Variants in RGS5 observed in about 807,000 individuals in gnomAD.
RGS5 encodes regulator of G protein signaling 5, also known as regulator of G-protein signalling 5.
A neutral mutation model predicts 18.9 loss-of-function variants in RGS5; 20 were observed. That is an observed-to-expected ratio of 1.06 (90% CI 0.74 to 1.54). RGS5 has a LOEUF of 1.54. RGS5 is among the 40% of genes most tolerant of loss of function. The pLI is 0.00. For synonymous variants in RGS5, 57 were observed against 76.2 expected, an observed-to-expected ratio of 0.75 and a Z score of 1.31; for missense variants, 201 against 211.8, an observed-to-expected ratio of 0.95 and a Z score of 0.32.
At chr1:163,319,302 A>G in intron 1 of RGS5, 1 of 152,358 alleles carries the variant, frequency 6.6e-6, no homozygotes, top group Non-Finnish European at 1.5e-5. Flanking sequence ...CTAGAAAAGG[A>G]ACATGAAATT....
intron 2 of RGS5, among the ~76,000 whole-genome samples, chr1:163,165,313 G>A (rs1657992163): frequency 6.6e-6 from 1 of 152,166 alleles, no homozygotes; most frequent in Admixed American, 6.5e-5. Flanking sequence ...AGAAAAAGGG[G>A]TTAAAAATTG....
intron 2 of RGS5, among the ~76,000 whole-genome samples, chr1:163,297,834 A>C (rs1351998913): frequency 2.0e-5 from 3 of 152,210 alleles, no homozygotes; most frequent in Non-Finnish European, 4.4e-5. Context: ...CAAAACAATT[A>C]AATCATAACT....
chr1:163,255,989 C>T (rs1484934460), intron 2 of RGS5, among the ~76,000 whole-genome samples: 1 of 152,042 alleles, frequency 6.6e-6, no homozygotes, highest in Non-Finnish European at 1.5e-5. Context: ...CTATGACAAA[C>T]CCACAGCCAA....
chr1:163,200,767 T>C (rs1042238093), intron 1 of RGS5, among the ~76,000 whole-genome samples: 1 of 152,100 alleles, frequency 6.6e-6, no homozygotes, highest in African/African-American at 2.4e-5. Flanking sequence ...AGTCAACCTA[T>C]GGGGAAAATA....
intron 2 of RGS5, among the ~76,000 whole-genome samples, chr1:163,254,324 CT>C (rs1310700716): frequency 3.3e-5 from 5 of 151,904 alleles, no homozygotes; most frequent in Non-Finnish European, 7.4e-5. Flanking sequence ...TCTTTCCTGA[CT>C]TTTTAATGAT....
At chr1:163,243,563 C>T (rs1307812773) in intron 2 of RGS5, among the ~76,000 whole-genome samples, 3 of 142,206 alleles carry the variant, frequency 2.1e-5, no homozygotes, top group African/African-American at 5.3e-5. Flanking sequence ...AGGAGAATGG[C>T]GTGAACCCGG....
chr1:163,217,885 CTG>C (rs1251476467), upstream of RGS5, among the ~76,000 whole-genome samples: 4 of 152,124 alleles, frequency 2.6e-5, no homozygotes, highest in Non-Finnish European at 5.9e-5. Context: ...GATTACGGTA[CTG>C]TGAGTAACAG....
At chr1:163,298,661 T>C (rs1330054079) in intron 2 of RGS5, among the ~76,000 whole-genome samples, 2 of 152,160 alleles carry the variant, frequency 1.3e-5, no homozygotes, top group Admixed American at 1.3e-4. Flanking sequence ...AAAGTCTTTC[T>C]GGAGTGTGGT....
intron 3 of RGS5, among the ~76,000 whole-genome samples, chr1:163,155,895 C>T (rs1469123734): frequency 6.6e-6 from 1 of 152,156 alleles, no homozygotes; most frequent in East Asian, 1.9e-4. Flanking sequence ...TATGGAAACA[C>T]TCCAGGTTGT....
intron 1 of RGS5, among the ~76,000 whole-genome samples, chr1:163,216,363 G>C (rs1660217474): frequency 6.6e-6 from 1 of 152,068 alleles, no homozygotes; most frequent in Non-Finnish European, 1.5e-5. Flanking sequence ...CTCTTGGCCT[G>C]GGAAATTTTA....
intron 1 of RGS5, chr1:163,212,083 A>C (rs902881801): frequency 1.2e-4 from 18 of 152,226 alleles, no homozygotes; most frequent in African/African-American, 4.1e-4. Flanking sequence ...ATTGAGGATT[A>C]GTCTTGCAAT....
At chr1:163,314,525 G>C (rs561674565) in intron 1 of RGS5, among the ~76,000 whole-genome samples, 55 of 151,910 alleles carry the variant, frequency 3.6e-4, no homozygotes, top group African/African-American at 1.3e-3. Flanking sequence ...CCAGAACTGT[G>C]ACAAAACACC....
chr1:163,249,280 A>C (rs1557919144), intron 2 of RGS5, among the ~76,000 whole-genome samples: 1 of 152,186 alleles, frequency 6.6e-6, no homozygotes, highest in Non-Finnish European at 1.5e-5. Flanking sequence ...TCCATATAGA[A>C]GCTTTTAGTT....
intron 3 of RGS5, among the ~76,000 whole-genome samples, chr1:163,158,768 G>A (rs145627188): frequency 0.011 from 1,630 of 152,258 alleles, 12 homozygotes; most frequent in Admixed American, 0.021. Flanking sequence ...TTTCGGGCAC[G>A]CATTGTCATT....
In RGS5 at chr1:163,215,082, A is replaced by G. The variant is rs1346263325; in HGVS notation, c.69+2444T>C. Among the ~76,000 whole-genome samples the G allele has an allele frequency of 5.3e-5, 8 of 152,310 alleles. No individual in the cohort carries two copies. The East Asian group carries it at 1.5e-3, about 29-fold the overall frequency. ...AATCTGAAGCTAGTTTTGTGTATTTATTTTAAAATATACGTAAAATGGAAT... is the reference window on the plus strand; with the variant it reads ...AATCTGAAGCTAGTTTTGTGTATTTGTTTTAAAATATACGTAAAATGGAAT... On this transcript the variant is annotated intron_variant, in intron 1 of 5. Coordinates refer to the RGS5 transcript ENST00000367903.
chr1:163,283,147 G>T (rs1160705272), intron 2 of RGS5, among the ~76,000 whole-genome samples: 1 of 152,082 alleles, frequency 6.6e-6, no homozygotes, highest in Non-Finnish European at 1.5e-5. Flanking sequence ...TGGGGAGAAA[G>T]GAAAGGGGGA....
At chr1:163,215,843 T>C (rs1240617273) in intron 1 of RGS5, among the ~76,000 whole-genome samples, 1 of 151,978 alleles carries the variant, frequency 6.6e-6, no homozygotes, top group Non-Finnish European at 1.5e-5. Context: ...GGTGGGAGGA[T>C]CACTAGAGGC....
chr1:163,149,457 T>C (rs1657289869), intron 4 of RGS5, among the ~76,000 whole-genome samples: 1 of 152,180 alleles, frequency 6.6e-6, no homozygotes, highest in African/African-American at 2.4e-5. Context: ...AAAGGAGTGA[T>C]GTATTTAAAA....
intron 2 of RGS5, among the ~76,000 whole-genome samples, chr1:163,227,939 A>G (rs1327168995): frequency 6.6e-6 from 1 of 152,204 alleles, no homozygotes; most frequent in East Asian, 1.9e-4. Flanking sequence ...TCCAGGTCAC[A>G]CTGATGCAAG....
Sources: gnomAD v4.1 joint callset for allele counts (sites outside exome capture counted in the v4.1 genomes callset) on GRCh38, gnomAD v4.1.1 for gene constraint, MANE v1.5 for transcripts, NCBI Gene and HGNC (gene_info 2026-07-23, HGNC 2026-07-21) for gene names.